ESRRG: variants seen among roughly 807,000 people sequenced by gnomAD.
ESRRG encodes the protein estrogen-related receptor gamma.
In ESRRG, 13 loss-of-function variants were observed where a neutral mutation model predicts 44.0. That is an observed-to-expected ratio of 0.30 (90% CI 0.19 to 0.47). The LOEUF is 0.47. Ranked by LOEUF, ESRRG falls within the 20% of genes least tolerant of loss-of-function variation. The pLI, the probability that ESRRG is intolerant of heterozygous loss-of-function variation, is 1.00. For synonymous variants in ESRRG, 215 were observed against 214.6 expected (o/e 1.00, Z -0.02); for missense variants, 395 against 580.6 (o/e 0.68, Z 3.29).
intron 2 of ESRRG, among the ~76,000 whole-genome samples, chr1:216,804,352 A>C (rs1344957652): frequency 6.6e-6 from 1 of 152,274 alleles, no homozygotes; most frequent in East Asian, 1.9e-4. Context: ...CTATACAAGA[A>C]CCAGTAGTGA....
At chr1:216,563,372 T>C (rs555909761) in intron 5 of ESRRG, among the ~76,000 whole-genome samples, 1 of 152,298 alleles carries the variant, frequency 6.6e-6, no homozygotes, top group East Asian at 1.9e-4. Context: ...TCATGACCAA[T>C]AAATTGGTTT....
At chr1:216,794,384 G>C (rs2094416628) in intron 2 of ESRRG, among the ~76,000 whole-genome samples, 1 of 152,080 alleles carries the variant, frequency 6.6e-6, no homozygotes. Flanking sequence ...CCATAAGTGG[G>C]AACTATATTC....
intron 1 of ESRRG, among the ~76,000 whole-genome samples, chr1:216,941,699 T>C (rs1035240770): frequency 6.6e-6 from 1 of 152,070 alleles, no homozygotes; most frequent in Non-Finnish European, 1.5e-5. Flanking sequence ...TTTTAAGTGG[T>C]GACAACTAAT....
At chr1:216,993,760 G>A (rs1238074008) in intron 1 of ESRRG, among the ~76,000 whole-genome samples, 3 of 152,190 alleles carry the variant, frequency 2.0e-5, no homozygotes, top group African/African-American at 4.8e-5. Flanking sequence ...TAGAGATTGC[G>A]CTCACTCTGG....
intron 1 of ESRRG, among the ~76,000 whole-genome samples, chr1:217,069,426 A>AAT (rs3072275): frequency 0.4 from 59,993 of 148,226 alleles, 12,347 homozygotes; most frequent in Middle Eastern, 0.47. Context: ...CAGATATAGA[A>AAT]ATATATATAT....
intron 1 of ESRRG, among the ~76,000 whole-genome samples, chr1:217,132,954 G>T (rs550837256): frequency 6.6e-6 from 1 of 152,284 alleles, no homozygotes; most frequent in African/African-American, 2.4e-5. Flanking sequence ...TACCCCGAAA[G>T]TTTCTTGTCT....
intron 2 of ESRRG, among the ~76,000 whole-genome samples, chr1:216,916,539 A>C (rs916960667): frequency 9.2e-5 from 14 of 152,218 alleles, no homozygotes; most frequent in Non-Finnish European, 1.9e-4. Context: ...ACACATGCTC[A>C]TGTTCTTTCT....
intron 1 of ESRRG, among the ~76,000 whole-genome samples, chr1:216,991,917 T>C (rs1387194315): frequency 6.6e-6 from 1 of 152,206 alleles, no homozygotes; most frequent in East Asian, 1.9e-4. Context: ...CTGTTGTAAA[T>C]CACTTTGCCC....
rs569140984 is a variant in ESRRG at position 217,087,008 on chromosome 1, C to G, written c.-106+2499G>C. On this transcript the variant is annotated intron_variant, in intron 1 of 7. Transcript: ENST00000359162. ...ATAAATAACCCCCTTTCCAATGACA[C>G]ACTCATCCAAGGATTTGTCTGCATT... Among the ~76,000 whole-genome samples the G allele has an allele frequency of 3.9e-5, 6 of 152,224 alleles. No homozygotes were observed. The South Asian group carries it at 1.2e-3, about 32-fold the overall frequency.
intron 1 of ESRRG, among the ~76,000 whole-genome samples, chr1:217,026,853 C>T (rs2081244955): frequency 6.7e-6 from 1 of 149,794 alleles, no homozygotes; most frequent in Admixed American, 6.7e-5. Context: ...TGGCTGAGAA[C>T]CCCACCCCCG....
intron 1 of ESRRG, among the ~76,000 whole-genome samples, chr1:217,013,185 CA>C (rs1384965712): frequency 1.3e-5 from 2 of 152,152 alleles, no homozygotes; most frequent in Non-Finnish European, 2.9e-5. Flanking sequence ...GTTAGGACTC[CA>C]AAATATCTTT....
chr1:217,051,191 T>C (rs1184850765), intron 1 of ESRRG, among the ~76,000 whole-genome samples: 1 of 31,954 alleles, frequency 3.1e-5, no homozygotes, highest in Non-Finnish European at 6.6e-5. Flanking sequence ...GCAGAAGGAG[T>C]GGATAATGGG....
chr1:217,041,599 G>GA (rs898252181), intron 1 of ESRRG, among the ~76,000 whole-genome samples: 4 of 152,100 alleles, frequency 2.6e-5, no homozygotes, highest in African/African-American at 9.7e-5. Context: ...TGCTTCTCTG[G>GA]AAAAATCAGT....
intron 1 of ESRRG, among the ~76,000 whole-genome samples, chr1:217,016,039 C>G (rs1253198579): frequency 1.3e-5 from 2 of 151,968 alleles, no homozygotes; most frequent in Non-Finnish European, 2.9e-5. Flanking sequence ...TTACCTTCCC[C>G]TTCTTATGGC....
chr1:217,028,108 C>T lies in ESRRG; in HGVS notation c.-106+61399G>A, dbSNP rs141711809. On this transcript the variant is annotated intron_variant, in intron 1 of 7. Transcript: ENST00000359162. ...ATCCCATGTCTAGAATTTCTATACA[C>T]GCCCCCACCCCATCACCTCCACAGT... Among the ~76,000 whole-genome samples the T allele has an allele frequency of 7.8e-3, 1,194 of 152,254 alleles. 16 individuals carry two copies. Among genetic ancestry groups the T allele is most frequent in the African/African-American group, 0.028 (1,143 of 41,526 alleles).
intron 2 of ESRRG, among the ~76,000 whole-genome samples, chr1:216,779,306 A>ATTATAT (rs1553603359): frequency 3.8e-5 from 1 of 26,604 alleles, no homozygotes; most frequent in Non-Finnish European, 6.3e-5. Flanking sequence ...ATTTATAAAC[A>ATTATAT]TTATATTTAT....
Position 216,945,698 on chromosome 1 carries a change from A to G in ESRRG, c.-105-6025T>C, listed in dbSNP as rs77856264. 3.2e-3 allele frequency among the ~76,000 whole-genome samples: 480 copies of G among 152,342 alleles called. 7 individuals carry two copies. The East Asian group carries it at 0.05, about 16-fold the overall frequency. ...GTTTACCAAGTAGCATTTTAAATGAAAAATACAAGAAATTGCATCATTCAC... is the reference window on the plus strand; with the variant it reads ...GTTTACCAAGTAGCATTTTAAATGAGAAATACAAGAAATTGCATCATTCAC... On this transcript the variant is annotated intron_variant, in intron 1 of 7. Transcript: ENST00000359162.
chr1:216,579,985 A>G (rs949398426), intron 3 of ESRRG, among the ~76,000 whole-genome samples: 35 of 152,196 alleles, frequency 2.3e-4, no homozygotes, highest in African/African-American at 8.0e-4. Flanking sequence ...ACATATATTC[A>G]GCTTAATTCC....
chr1:216,745,631 C>A (rs115759001), intron 2 of ESRRG, among the ~76,000 whole-genome samples: 2 of 152,112 alleles, frequency 1.3e-5, no homozygotes, highest in African/African-American at 2.4e-5. Flanking sequence ...TCTCTCAATG[C>A]GTGTATTCAA....
Sources: gnomAD v4.1 joint callset for allele counts (sites outside exome capture counted in the v4.1 genomes callset) on GRCh38, gnomAD v4.1.1 for gene constraint, MANE v1.5 for transcripts, NCBI Gene and HGNC (gene_info 2026-07-23, HGNC 2026-07-21) for gene names.